Variants in CCDC170 observed in about 807,000 individuals in gnomAD.
CCDC170 encodes the protein coiled-coil domain containing 170.
A neutral mutation model predicts 72.6 loss-of-function variants in CCDC170; 69 were observed. The observed-to-expected ratio is 0.95, with a 90% CI of 0.78 to 1.16. The LOEUF (loss-of-function observed/expected upper bound fraction) is 1.16, where lower values mean the gene tolerates loss of function less well. CCDC170 is among the 50% of genes most tolerant of loss of function. CCDC170 has a pLI of 0.00. For synonymous variants in CCDC170, 300 were observed against 303.9 expected (o/e 0.99, Z 0.13); for missense variants, 852 against 832.5 (o/e 1.02, Z -0.29).
chr6:151,548,354 T>C lies in CCDC170; in HGVS notation c.639T>C (p.Ile213=). The change falls in exon 5 of 11, where the codon ATT becomes ATC. Residue 213 remains isoleucine (I), a synonymous_variant. Transcript: ENST00000239374. ...ENEFVKGQIV[I]LEETINVHEM... ...AATTCGTGAAAGGACAAATTGTTATTCTTGAAGAGACTATAAATGTCCATG... is the reference window on the plus strand; with the variant it reads ...AATTCGTGAAAGGACAAATTGTTATCCTTGAAGAGACTATAAATGTCCATG... The C allele has an allele frequency of 6.2e-7, 1 of 1,607,528 alleles. No individual in the cohort carries two copies.
At chr6:151,608,712 G>T (rs556375848) in intron 9 of CCDC170, among the ~76,000 whole-genome samples, 4 of 152,290 alleles carry the variant, frequency 2.6e-5, no homozygotes, top group Admixed American at 1.3e-4. Context: ...CAGAGATGAG[G>T]TGGTCCCACC....
intron 5 of CCDC170, among the ~76,000 whole-genome samples, chr6:151,561,308 G>A (rs1189393280): frequency 6.6e-6 from 1 of 151,968 alleles, no homozygotes; most frequent in Non-Finnish European, 1.5e-5. Context: ...TTGCTTCATA[G>A]GGTCTGTGAA....
chr6:151,551,706 G>A (rs892577516), intron 5 of CCDC170, among the ~76,000 whole-genome samples: 2 of 152,246 alleles, frequency 1.3e-5, no homozygotes, highest in East Asian at 1.9e-4. Context: ...CCATGTGAGT[G>A]AGCCCAGCAG....
chr6:151,567,797 G>C (rs1027841917), intron 5 of CCDC170, among the ~76,000 whole-genome samples: 10 of 152,010 alleles, frequency 6.6e-5, no homozygotes, highest in African/African-American at 2.4e-4. Flanking sequence ...AGAGTGAATA[G>C]GTACATACTT....
At chr6:151,513,919 CAAA>C (rs58387477) in intron 1 of CCDC170, among the ~76,000 whole-genome samples, 3 of 51,202 alleles carry the variant, frequency 5.9e-5, no homozygotes, top group Non-Finnish European at 8.1e-5. Context: ...GACCCTGTCT[CAAA>C]AAAAAAAAAA....
chr6:151,571,917 G>A (rs543128991), intron 5 of CCDC170, among the ~76,000 whole-genome samples: 2 of 152,316 alleles, frequency 1.3e-5, no homozygotes, highest in East Asian at 1.9e-4. Context: ...GTGCACTGAT[G>A]CAATTACTGC....
chr6:151,563,907 G>T (rs535469268), intron 5 of CCDC170, among the ~76,000 whole-genome samples: 84 of 152,244 alleles, frequency 5.5e-4, no homozygotes, highest in African/African-American at 1.8e-3. Context: ...GCTTCTTTTT[G>T]TGGGCACTCT....
At chr6:151,522,716 G>T (rs972517360) in intron 1 of CCDC170, among the ~76,000 whole-genome samples, 4 of 152,102 alleles carry the variant, frequency 2.6e-5, no homozygotes, top group African/African-American at 9.7e-5. Context: ...GAAGTAACTT[G>T]CCTTGCTGAG....
chr6:151,545,610 G>A (rs778361676), intron 4 of CCDC170, among the ~76,000 whole-genome samples: 17 of 151,886 alleles, frequency 1.1e-4, no homozygotes, highest in Admixed American at 4.6e-4. Context: ...CCATACAGCC[G>A]TTTGTTGTTG....
intron 1 of CCDC170, among the ~76,000 whole-genome samples, chr6:151,529,697 T>G (rs960589085): frequency 2.0e-5 from 3 of 152,160 alleles, no homozygotes; most frequent in Non-Finnish European, 4.4e-5. Flanking sequence ...AACGAATATC[T>G]TTATACATAT....
At chr6:151,617,408 C>CTTTTTTTTTTTTTTTTTTTTT (rs745655791) in intron 10 of CCDC170, among the ~76,000 whole-genome samples, 11 of 91,468 alleles carry the variant, frequency 1.2e-4, no homozygotes, top group Admixed American at 2.8e-4. Context: ...GCTGTTTGTT[C>CTTTTTTTTTTTTTTTTTTTTT]TTTTTTTTTT....
At chr6:151,549,592 T>C (rs1782844443) in intron 5 of CCDC170, among the ~76,000 whole-genome samples, 1 of 151,864 alleles carries the variant, frequency 6.6e-6, no homozygotes, top group Admixed American at 6.6e-5. Context: ...AATTTCTTTC[T>C]TTAAAAAATT....
chr6:151,501,337 A>G (rs1216112123), intron 1 of CCDC170, among the ~76,000 whole-genome samples: 1 of 152,148 alleles, frequency 6.6e-6, no homozygotes, highest in Non-Finnish European at 1.5e-5. Context: ...AACTGATTAT[A>G]TTGGAATAAG....
rs368020719 is a variant in CCDC170, at chr6:151,609,796, C to T, written c.1711-5647C>T. Among the ~76,000 whole-genome samples the T allele has an allele frequency of 2.6e-5, 4 of 152,314 alleles. No homozygotes were observed. In the East Asian group the frequency reaches 7.7e-4, roughly 29 times the overall value. ...TTGGCTCCCTGTTCTGCCCTGGTGG[C>T]TTGGCTCGGAGCTCCATTACTTGTT... On this transcript the variant is annotated intron_variant, in intron 9 of 10. Coordinates refer to ENST00000239374, the MANE Select transcript of CCDC170 (RefSeq NM_025059.4).
chr6:151,494,809 G>T (rs546989599), intron 1 of CCDC170, among the ~76,000 whole-genome samples: 1 of 152,108 alleles, frequency 6.6e-6, no homozygotes, highest in African/African-American at 2.4e-5. Flanking sequence ...GAACAAACAC[G>T]GGCGCGCACA....
chr6:151,603,537 A>T (rs992232490), intron 9 of CCDC170, among the ~76,000 whole-genome samples: 3 of 152,220 alleles, frequency 2.0e-5, no homozygotes, highest in Non-Finnish European at 4.4e-5. Context: ...GAAGATGAAG[A>T]AAGTGCTTTG....
chr6:151,612,017 TTTC>T (rs1776880853), intron 9 of CCDC170, among the ~76,000 whole-genome samples: 1 of 152,136 alleles, frequency 6.6e-6, no homozygotes, highest in Non-Finnish European at 1.5e-5. Context: ...CCAAAACTGG[TTTC>T]TAGTTTATGA....
rs547749812 is a variant in CCDC170 at position 151,528,397 on chromosome 6, A to G, written c.58-7921A>G. On this transcript the variant is annotated intron_variant, in intron 1 of 10. Transcript: ENST00000239374. The stretch of plus-strand genomic sequence containing the variant: ...TCAGCTTTCATATCTGTTCAAGTCT[A>G]TGTTACCTATGGTTGTTTCTTTGTC... Among the ~76,000 whole-genome samples, 299 of 152,336 alleles carry G rather than the reference A, an allele frequency of 2.0e-3. 3 individuals are homozygous for G. The highest frequency in any genetic ancestry group is 7.0e-3 in the African/African-American group (290 of 41,582).
chr6:151,573,469 G>A lies in CCDC170; in HGVS notation c.1070G>A (p.Ser357Asn). Residue 357 changes from serine (S) to asparagine (N), a missense_variant, in exon 6 of 11, where the codon AGC becomes AAC. Ser to Asn is a conservative substitution (Grantham distance 46, BLOSUM62 1). Transcript: ENST00000239374. ...TTGGAGAAGATTCGAGAAATGGACA[G>A]CCGGGAAGAAAGCAGGGACCGGGTG... The part of the protein sequence containing the change: ...TILEKIREMD[S>N]REESRDRMVS... 6.2e-7 allele frequency: 1 copy of A among 1,613,882 alleles called. No individual in the cohort carries two copies. Among genetic ancestry groups the A allele is most frequent in the South Asian group, 1.1e-5 (1 of 91,072 alleles).
Sources: gnomAD v4.1 joint callset for allele counts (sites outside exome capture counted in the v4.1 genomes callset) on GRCh38, gnomAD v4.1.1 for gene constraint, MANE v1.5 for transcripts, NCBI Gene and HGNC (gene_info 2026-07-23, HGNC 2026-07-21) for gene names.